RASEF: variants seen among roughly 807,000 people sequenced by gnomAD.
RASEF encodes the protein RAS and EF-hand domain containing, also known as ras and EF-hand domain-containing protein.
Under a neutral mutation model 90.1 loss-of-function variants are expected in RASEF, and 68 were observed. The observed-to-expected ratio is 0.75, with a 90% CI of 0.62 to 0.92. The LOEUF (loss-of-function observed/expected upper bound fraction) is 0.92. Ranked by LOEUF, RASEF falls within the 40% of genes least tolerant of loss-of-function variation. The pLI is 0.00. For synonymous variants in RASEF, 331 were observed against 345.2 expected (o/e 0.96, Z 0.46); for missense variants, 949 against 937.2 (o/e 1.01, Z -0.16).
At position 83,062,824 on chromosome 9, in the gene RASEF, G is replaced by T; in HGVS notation, c.44C>A (p.Ser15Ter). Residue 15 changes from serine to a stop codon, truncating the protein, a stop_gained, in exon 1 of 17, where the codon TCA becomes TAA. Transcript: ENST00000376447. LOFTEE classifies it high-confidence loss of function. Reference sequence around the variant, plus strand: ...GTTCGCGTCGCAGGCGGCGAAGACTGAGCGCAGCCGGGCCAGCTCCTCTCC... The same window carrying T: ...GTTCGCGTCGCAGGCGGCGAAGACTTAGCGCAGCCGGGCCAGCTCCTCTCC... The part of the protein sequence containing the change: ...GDGEELARLR[S>*]VFAACDANRS... 1 of 1,551,540 alleles carries T rather than the reference G, an allele frequency of 6.4e-7. No individual in the cohort carries two copies. Among genetic ancestry groups the T allele is most frequent in the Non-Finnish European group, 8.6e-7 (1 of 1,159,766 alleles).
At chr9:83,140,456 A>G in the RASEF span, among the ~76,000 whole-genome samples, 1 of 152,178 alleles carries the variant, frequency 6.6e-6, no homozygotes, top group Non-Finnish European at 1.5e-5. Flanking sequence ...GTAGCATTGA[A>G]TGGGATAAAA....
the RASEF span, among the ~76,000 whole-genome samples, chr9:83,146,524 T>C: frequency 1.3e-5 from 2 of 152,202 alleles, no homozygotes; most frequent in African/African-American, 4.8e-5. Context: ...AATTGATCCA[T>C]GAATGTCAAC....
the RASEF span, among the ~76,000 whole-genome samples, chr9:83,128,383 C>T: frequency 6.6e-6 from 1 of 151,844 alleles, no homozygotes. Flanking sequence ...CACCCTTCAC[C>T]TATTTCATAT....
At chr9:83,059,036 T>C (rs1344076814) in intron 1 of RASEF, among the ~76,000 whole-genome samples, 2 of 152,110 alleles carry the variant, frequency 1.3e-5, no homozygotes, top group Non-Finnish European at 2.9e-5. Context: ...ACTTTTGGGA[T>C]ACCTGTGCCC....
the RASEF span, chr9:83,200,943 A>T: frequency 6.6e-6 from 1 of 152,222 alleles, no homozygotes; most frequent in Non-Finnish European, 1.5e-5. Flanking sequence ...CCTTCTCTTA[A>T]AGGGTCATAG....
chr9:83,075,593 T>C, the RASEF span, among the ~76,000 whole-genome samples: 1 of 152,158 alleles, frequency 6.6e-6, no homozygotes. Context: ...CCACAGTAGA[T>C]TTCTTCCTAC....
intron 1 of RASEF, among the ~76,000 whole-genome samples, chr9:83,028,933 T>C (rs1461314017): frequency 3.3e-5 from 5 of 152,096 alleles, no homozygotes; most frequent in African/African-American, 4.8e-5. Flanking sequence ...GAGAAGATCA[T>C]GTAAAGACAC....
intron 1 of RASEF, among the ~76,000 whole-genome samples, chr9:83,035,264 T>G (rs1288096856): frequency 6.6e-6 from 1 of 152,214 alleles, no homozygotes; most frequent in African/African-American, 2.4e-5. Flanking sequence ...ATCACTGCAG[T>G]GTGAAAGCAG....
At chr9:83,148,904 T>G in the RASEF span, among the ~76,000 whole-genome samples, 2 of 152,208 alleles carry the variant, frequency 1.3e-5, no homozygotes, top group Admixed American at 6.5e-5. Context: ...AAAGTGGTAA[T>G]GCTGAGTGCC....
chr9:83,205,710 C>T, the RASEF span, among the ~76,000 whole-genome samples: 3 of 152,118 alleles, frequency 2.0e-5, no homozygotes, highest in Non-Finnish European at 2.9e-5. Flanking sequence ...ACCTTCAATA[C>T]GTAATCAATT....
chr9:83,074,501 A>G, the RASEF span, among the ~76,000 whole-genome samples: 1 of 152,208 alleles, frequency 6.6e-6, no homozygotes, highest in Non-Finnish European at 1.5e-5. Context: ...ATGTCAGTAT[A>G]TCCAGCCCAT....
rs1303995164 is a variant in RASEF, at chr9:83,005,355, C to T, written c.1113+61G>A. ...CTTTAAGAAATTACATTATTTTCAT[C>T]AACACCAAAATACTCCACCACTAGA... On this transcript the variant is annotated intron_variant, in intron 8 of 16. Transcript: ENST00000376447. 6 of 1,195,836 alleles carry T rather than the reference C, an allele frequency of 5.0e-6. No individual in the cohort carries two copies. In the East Asian group the frequency reaches 9.3e-5, roughly 19 times the overall value. The allele number at this position is 1,195,836 out of a possible 1,614,324, so 74.1% of individuals were successfully genotyped here.
the RASEF span, among the ~76,000 whole-genome samples, chr9:83,117,906 G>T: frequency 1.3e-5 from 2 of 152,154 alleles, no homozygotes; most frequent in Non-Finnish European, 2.9e-5. Context: ...AACTGGAGGA[G>T]GTGGCAGAAA....
chr9:83,083,047 AT>A, the RASEF span, among the ~76,000 whole-genome samples: 1 of 152,034 alleles, frequency 6.6e-6, no homozygotes, highest in African/African-American at 2.4e-5. Flanking sequence ...ATATGGCCCT[AT>A]TTTTTCCATT....
At chr9:82,991,365 T>C (rs17085937) in intron 15 of RASEF, among the ~76,000 whole-genome samples, 1,709 of 152,318 alleles carry the variant, frequency 0.011, 25 homozygotes, top group South Asian at 0.077. Flanking sequence ...CATAGCACTC[T>C]GCGATCCTCA....
the RASEF span, among the ~76,000 whole-genome samples, chr9:83,198,842 G>A: frequency 1.3e-5 from 2 of 151,846 alleles, no homozygotes; most frequent in Non-Finnish European, 2.9e-5. Context: ...ATGGGGGGGA[G>A]GGATAAATGT....
intron 3 of RASEF, among the ~76,000 whole-genome samples, chr9:83,018,730 G>A (rs921343066): frequency 1.3e-5 from 2 of 151,792 alleles, no homozygotes; most frequent in South Asian, 4.1e-4. Context: ...TAAACCAATA[G>A]GTATCAAGAC....
At chr9:83,120,707 T>C in the RASEF span, among the ~76,000 whole-genome samples, 1 of 152,188 alleles carries the variant, frequency 6.6e-6, no homozygotes, top group African/African-American at 2.4e-5. Context: ...TCAACTCAGA[T>C]GACCCTTAAA....
At chr9:83,202,085 C>G in the RASEF span, 683 of 154,598 alleles carry the variant, frequency 4.4e-3, 3 homozygotes, top group Non-Finnish European at 5.9e-3. Context: ...ATGTGCTGCT[C>G]CCTCCTAATG....
Sources: gnomAD v4.1 joint callset for allele counts (sites outside exome capture counted in the v4.1 genomes callset) on GRCh38, gnomAD v4.1.1 for gene constraint, MANE v1.5 for transcripts, NCBI Gene and HGNC (gene_info 2026-07-23, HGNC 2026-07-21) for gene names.